DPYD: variants seen among roughly 807,000 people sequenced by gnomAD.
DPYD encodes dihydropyrimidine dehydrogenase.
Under a neutral mutation model 116.2 loss-of-function variants are expected in DPYD, and 109 were observed. That is an observed-to-expected ratio of 0.94 (90% CI 0.80 to 1.10). The LOEUF is 1.10. DPYD is among the 50% of genes least tolerant of loss of function. DPYD has a pLI of 0.00. For synonymous variants in DPYD, 440 were observed against 432.0 expected, an observed-to-expected ratio of 1.02 and a Z score of -0.23; for missense variants, 1,302 against 1,254.5, an observed-to-expected ratio of 1.04 and a Z score of -0.57.
intron 1 of DPYD, among the ~76,000 whole-genome samples, chr1:97,896,258 A>C (rs1673065754): frequency 6.6e-6 from 1 of 151,840 alleles, no homozygotes; most frequent in Admixed American, 6.6e-5. Context: ...ATAAATGGAT[A>C]AGAAAACAGG....
At chr1:97,780,612 A>T (rs934376305) in intron 3 of DPYD, among the ~76,000 whole-genome samples, 1 of 152,188 alleles carries the variant, frequency 6.6e-6, no homozygotes, top group African/African-American at 2.4e-5. Context: ...CTTCTTGAAC[A>T]TACTGCAACA....
chr1:97,103,803 C>T lies in DPYD; in HGVS notation c.2623-5171G>A, dbSNP rs564942792. Among the ~76,000 whole-genome samples, 25 of 151,000 alleles carry T rather than the reference C, an allele frequency of 1.7e-4. No individual in the cohort carries two copies. The East Asian group carries it at 3.7e-3, about 22-fold the overall frequency. On this transcript the variant is annotated intron_variant, in intron 20 of 22. Coordinates refer to ENST00000370192, the MANE Select transcript of DPYD (RefSeq NM_000110.4). ...AATGAGAATGACAGTATCAAACTCA[C>T]GATGTTGGTATAAGCATTAAATGGA...
rs1039779149 is a variant in DPYD at position 97,464,381 on chromosome 1, C to T, written c.1741-14158G>A. ...TGACTGCAGAAATTTGCATAAGTAA[C>T]GAGGAGCCAAATGCTAATCCCAAAG... On this transcript the variant is annotated intron_variant, in intron 13 of 22. Coordinates refer to ENST00000370192, the MANE Select transcript of DPYD (RefSeq NM_000110.4). Among the ~76,000 whole-genome samples, 9 of 152,258 alleles carry T rather than the reference C, an allele frequency of 5.9e-5. No homozygotes were observed. In the East Asian group the frequency reaches 1.3e-3, roughly 23 times the overall value.
At chr1:97,748,099 C>T (rs1664657202) in intron 3 of DPYD, among the ~76,000 whole-genome samples, 1 of 152,054 alleles carries the variant, frequency 6.6e-6, no homozygotes, top group Non-Finnish European at 1.5e-5. Flanking sequence ...ACATAGTAGA[C>T]ATCTGACAAA....
intron 14 of DPYD, among the ~76,000 whole-genome samples, chr1:97,398,071 T>C (rs1050295035): frequency 2.0e-5 from 3 of 152,066 alleles, no homozygotes; most frequent in Non-Finnish European, 4.4e-5. Flanking sequence ...ACATTAGGTA[T>C]ATCTCCTAAT....
intron 16 of DPYD, among the ~76,000 whole-genome samples, chr1:97,346,781 G>A (rs1405951245): frequency 2.0e-5 from 3 of 151,826 alleles, no homozygotes; most frequent in Non-Finnish European, 4.4e-5. Flanking sequence ...TACGAGTTCT[G>A]TGTTCTGCGA....
At chr1:97,764,941 C>T (rs935137576) in intron 3 of DPYD, among the ~76,000 whole-genome samples, 5 of 152,082 alleles carry the variant, frequency 3.3e-5, no homozygotes, top group Non-Finnish European at 5.9e-5. Flanking sequence ...TTTAAGTATA[C>T]TTTGATTAAG....
At chr1:97,884,885 T>A (rs565550559) in intron 1 of DPYD, among the ~76,000 whole-genome samples, 2 of 152,176 alleles carry the variant, frequency 1.3e-5, no homozygotes, top group Admixed American at 6.5e-5. Context: ...TAATTTTTAA[T>A]TCCTAGTACT....
intron 20 of DPYD, among the ~76,000 whole-genome samples, chr1:97,138,378 A>G (rs973107178): frequency 6.6e-6 from 1 of 152,182 alleles, no homozygotes; most frequent in African/African-American, 2.4e-5. Flanking sequence ...GAAAGCTACC[A>G]TATGGCCAGA....
At chr1:97,372,055 T>C (rs1671337336) in intron 16 of DPYD, among the ~76,000 whole-genome samples, 1 of 152,190 alleles carries the variant, frequency 6.6e-6, no homozygotes, top group African/African-American at 2.4e-5. Flanking sequence ...AATTCAGATG[T>C]GCTCATATAG....
chr1:97,630,750 G>A (rs1415781892), intron 8 of DPYD, among the ~76,000 whole-genome samples: 4 of 152,084 alleles, frequency 2.6e-5, no homozygotes, highest in Non-Finnish European at 5.9e-5. Context: ...TAATAGTGGT[G>A]AGCAACTTAT....
chr1:97,146,677 A>G (rs190376975), intron 20 of DPYD, among the ~76,000 whole-genome samples: 2 of 152,270 alleles, frequency 1.3e-5, no homozygotes, highest in Admixed American at 1.3e-4. Context: ...TGTGTGTGTG[A>G]TCAGGAGGCA....
intron 16 of DPYD, among the ~76,000 whole-genome samples, chr1:97,340,023 G>A (rs1308632897): frequency 3.9e-5 from 6 of 152,064 alleles, no homozygotes; most frequent in Non-Finnish European, 7.4e-5. Flanking sequence ...TATACTAAGC[G>A]AGAAATATTG....
chr1:97,482,979 T>A (rs1678408080), intron 13 of DPYD, among the ~76,000 whole-genome samples: 1 of 152,212 alleles, frequency 6.6e-6, no homozygotes, highest in African/African-American at 2.4e-5. Context: ...TCATTTCTTG[T>A]ACCGCTCTCT....
intron 12 of DPYD, chr1:97,546,814 T>C (rs1395531704): frequency 6.0e-5 from 96 of 1,612,770 alleles, no homozygotes; most frequent in Non-Finnish European, 1.4e-5. Context: ...GATTAAACCA[T>C]TGAAGTTGGA....
At position 97,212,500 on chromosome 1, in the gene DPYD, G is replaced by A. The variant is rs764600531; in HGVS notation, c.2443-19252C>T. Among the ~76,000 whole-genome samples the A allele has an allele frequency of 6.6e-5, 10 of 152,078 alleles. No individual in the cohort carries two copies. In the South Asian group the frequency reaches 1.0e-3, roughly 16 times the overall value. ...GGGATTTAGACTGTGTCCAGTTTTG[G>A]GGTATTAGAAACAATGCTGCTATGA... On this transcript the variant is annotated intron_variant, in intron 19 of 22. Transcript: ENST00000370192.
At chr1:97,708,468 T>G (rs1452613317) in intron 5 of DPYD, among the ~76,000 whole-genome samples, 2 of 152,072 alleles carry the variant, frequency 1.3e-5, no homozygotes, top group Admixed American at 6.6e-5. Flanking sequence ...TATTTACGTG[T>G]GTCTATTTCT....
chr1:97,237,634 T>C (rs1002941384), intron 18 of DPYD, among the ~76,000 whole-genome samples: 28 of 152,272 alleles, frequency 1.8e-4, no homozygotes, highest in Non-Finnish European at 3.5e-4. Flanking sequence ...AAAACACACA[T>C]ATATATACAC....
chr1:97,091,273 A>G (rs964199437), intron 21 of DPYD, among the ~76,000 whole-genome samples: 1 of 152,192 alleles, frequency 6.6e-6, no homozygotes, highest in Non-Finnish European at 1.5e-5. Context: ...AGGCCAGCAG[A>G]GAGGAGGGAA....
Sources: gnomAD v4.1 joint callset for allele counts (sites outside exome capture counted in the v4.1 genomes callset) on GRCh38, gnomAD v4.1.1 for gene constraint, MANE v1.5 for transcripts, NCBI Gene and HGNC (gene_info 2026-07-23, HGNC 2026-07-21) for gene names.